CNTNAP2: variants seen among roughly 807,000 people sequenced by gnomAD.
CNTNAP2 encodes the protein contactin-associated protein-like 2.
CNTNAP2 carries 98 observed loss-of-function variants against 155.2 expected under a neutral mutation model. That is an observed-to-expected ratio of 0.63 (90% confidence interval 0.54 to 0.75). The LOEUF (loss-of-function observed/expected upper bound fraction) is 0.75, where lower values mean the gene tolerates loss of function less well. Ranked by LOEUF, CNTNAP2 falls within the 30% of genes least tolerant of loss-of-function variation. The pLI, the probability that CNTNAP2 is intolerant of heterozygous loss-of-function variation, is 0.00. For missense variants in CNTNAP2, 1,727 were observed against 1,688.1 expected, an observed-to-expected ratio of 1.02 and a Z score of -0.40; for synonymous variants, 651 against 631.2, an observed-to-expected ratio of 1.03 and a Z score of -0.47.
rs368637494 is a variant in CNTNAP2, at chr7:146,249,174, C to T, written c.97+132201C>T. ...CAGGAACCGGCCATCTGGATGTGTA[C>T]GTGCAGGTCACAGGGGATATGATGG... On this transcript the variant is annotated intron_variant, in intron 1 of 23. Transcript: ENST00000361727. Among the ~76,000 whole-genome samples the T allele has an allele frequency of 7.4e-3, 1,121 of 152,156 alleles. 16 individuals are homozygous for T. The highest frequency in any genetic ancestry group is 0.025 in the African/African-American group (1,025 of 41,496).
At chr7:146,771,530 C>T (rs1279060613) in intron 1 of CNTNAP2, among the ~76,000 whole-genome samples, 5 of 152,116 alleles carry the variant, frequency 3.3e-5, no homozygotes, top group Non-Finnish European at 7.4e-5. Flanking sequence ...TAGATGATAG[C>T]TTTGTGAATT....
In CNTNAP2 at chr7:146,706,930, A is replaced by T. The variant is rs1034822912; in HGVS notation, c.98-67341A>T. Among the ~76,000 whole-genome samples the T allele has an allele frequency of 1.2e-3, 184 of 152,104 alleles. 1 individual carries two copies. The highest frequency in any genetic ancestry group is 1.3e-3 in the Non-Finnish European group (88 of 68,000). On this transcript the variant is annotated intron_variant, in intron 1 of 23. Transcript: ENST00000361727. ...GAACTTAAAAGTTAAAAAAAAAAAA[A>T]AAAAGATTCAAAGGCACTGGACTCT...
chr7:148,375,696 G>A (rs1487657814), intron 21 of CNTNAP2, among the ~76,000 whole-genome samples: 26 of 150,088 alleles, frequency 1.7e-4, no homozygotes, highest in Non-Finnish European at 3.1e-4. Flanking sequence ...GCAATCATAA[G>A]TTTTTTGTTT....
At chr7:147,749,035 G>A (rs1053449501) in intron 13 of CNTNAP2, among the ~76,000 whole-genome samples, 2 of 152,160 alleles carry the variant, frequency 1.3e-5, no homozygotes, top group Non-Finnish European at 2.9e-5. Flanking sequence ...GGACAAAGAT[G>A]AAATATGAAG....
intron 10 of CNTNAP2, among the ~76,000 whole-genome samples, chr7:147,447,720 T>C (rs1797763611): frequency 6.6e-6 from 1 of 152,156 alleles, no homozygotes; most frequent in Admixed American, 6.5e-5. Flanking sequence ...GCACCCAGCC[T>C]ATTTGGGGTA....
Position 146,330,314 on chromosome 7 carries a change from G to A in CNTNAP2, c.97+213341G>A, listed in dbSNP as rs142962218. Among the ~76,000 whole-genome samples the A allele has an allele frequency of 2.8e-4, 42 of 152,148 alleles. 1 individual carries two copies. In the East Asian group the frequency reaches 7.2e-3, roughly 26 times the overall value. ...TGGGATTACAGGCGTGAGCCACTGCGCCCGGCTCGACAAGTACTTTCTTAT... is the reference window on the plus strand; with the variant it reads ...TGGGATTACAGGCGTGAGCCACTGCACCCGGCTCGACAAGTACTTTCTTAT... On this transcript the variant is annotated intron_variant, in intron 1 of 23. Transcript: ENST00000361727.
intron 8 of CNTNAP2, among the ~76,000 whole-genome samples, chr7:147,237,923 G>C (rs1803847847): frequency 6.6e-6 from 1 of 152,196 alleles, no homozygotes; most frequent in Non-Finnish European, 1.5e-5. Context: ...TTAATATAAA[G>C]TCTAGAAATT....
In CNTNAP2 at chr7:146,551,663, C is replaced by T. The variant is rs145454960; in HGVS notation, c.98-222608C>T. ...AAAAAATGAATGAAAGAAACCCATG[C>T]CTTATCTCTTGTTATATAAGTAGTG... On this transcript the variant is annotated intron_variant, in intron 1 of 23. Transcript: ENST00000361727. 5.5e-4 allele frequency among the ~76,000 whole-genome samples: 83 copies of T among 152,088 alleles called. No individual in the cohort carries two copies. The East Asian group carries it at 7.6e-3, about 14-fold the overall frequency.
At chr7:147,800,615 A>T (rs1797968987) in intron 13 of CNTNAP2, among the ~76,000 whole-genome samples, 2 of 152,158 alleles carry the variant, frequency 1.3e-5, no homozygotes, top group African/African-American at 4.8e-5. Flanking sequence ...TCTATAGCAT[A>T]TGGAGGAGAC....
intron 3 of CNTNAP2, among the ~76,000 whole-genome samples, chr7:146,935,004 C>A (rs1350812411): frequency 6.6e-6 from 1 of 152,154 alleles, no homozygotes; most frequent in Non-Finnish European, 1.5e-5. Context: ...GATGATGAAA[C>A]CTTTAAGAAA....
intron 1 of CNTNAP2, among the ~76,000 whole-genome samples, chr7:146,401,936 GA>G (rs1795720392): frequency 6.6e-6 from 1 of 152,026 alleles, no homozygotes; most frequent in Admixed American, 6.6e-5. Context: ...TGGTATTTAA[GA>G]AATATATTTC....
At chr7:146,396,621 T>A (rs1214214634) in intron 1 of CNTNAP2, among the ~76,000 whole-genome samples, 1 of 151,816 alleles carries the variant, frequency 6.6e-6, no homozygotes, top group East Asian at 1.9e-4. Flanking sequence ...GAATTAAAAG[T>A]CGCATTATTA....
At chr7:146,133,793 A>C (rs1036404895) in intron 1 of CNTNAP2, among the ~76,000 whole-genome samples, 2 of 152,194 alleles carry the variant, frequency 1.3e-5, no homozygotes, top group Non-Finnish European at 2.9e-5. Flanking sequence ...TGGTACCAGT[A>C]CCATGCTGTT....
chr7:146,521,374 A>C lies in CNTNAP2; in HGVS notation c.98-252897A>C, dbSNP rs1797614388. 2.6e-5 allele frequency among the ~76,000 whole-genome samples: 4 copies of C among 151,992 alleles called. No individual in the cohort carries two copies. The South Asian group carries it at 8.3e-4, about 31-fold the overall frequency. ...TTTGCTGACCATGGTTTATAGCATA[A>C]TCTTTGAGTATAGCATACAAAATAT... On this transcript the variant is annotated intron_variant, in intron 1 of 23. Transcript: ENST00000361727.
At chr7:148,243,548 A>T (rs764598503) in intron 20 of CNTNAP2, among the ~76,000 whole-genome samples, 1 of 152,166 alleles carries the variant, frequency 6.6e-6, no homozygotes, top group Non-Finnish European at 1.5e-5. Flanking sequence ...GTCACATCTT[A>T]CGTGGATGGA....
chr7:146,128,421 C>A (rs1476352107), intron 1 of CNTNAP2, among the ~76,000 whole-genome samples: 1 of 152,118 alleles, frequency 6.6e-6, no homozygotes, highest in African/African-American at 2.4e-5. Context: ...GATTTACACT[C>A]CCATAAATTC....
chr7:147,228,888 T>C lies in CNTNAP2; in HGVS notation c.1349-71253T>C, dbSNP rs186650779. Among the ~76,000 whole-genome samples the C allele has an allele frequency of 6.7e-5, 10 of 149,802 alleles. No individual in the cohort carries two copies. In the East Asian group the frequency reaches 2.0e-3, roughly 30 times the overall value. Reference sequence around the variant, plus strand: ...GTTCTCATTGTTCAACTCCCACTTATGAGTGAAAACATGCAGTGTTTGGGT... The same window carrying C: ...GTTCTCATTGTTCAACTCCCACTTACGAGTGAAAACATGCAGTGTTTGGGT... On this transcript the variant is annotated intron_variant, in intron 8 of 23. Transcript: ENST00000361727.
chr7:146,396,067 T>G (rs781373703), intron 1 of CNTNAP2, among the ~76,000 whole-genome samples: 3 of 152,102 alleles, frequency 2.0e-5, no homozygotes, highest in Non-Finnish European at 4.4e-5. Context: ...TTATCATACT[T>G]TTTCCCCTTC....
At chr7:146,232,716 AACTT>A (rs1220335393) in intron 1 of CNTNAP2, among the ~76,000 whole-genome samples, 4 of 152,102 alleles carry the variant, frequency 2.6e-5, no homozygotes, top group Admixed American at 6.6e-5. Flanking sequence ...TTCATTCAAA[AACTT>A]ACTTACTCTG....
Sources: gnomAD v4.1 joint callset for allele counts (sites outside exome capture counted in the v4.1 genomes callset) on GRCh38, gnomAD v4.1.1 for gene constraint, MANE v1.5 for transcripts, NCBI Gene and HGNC (gene_info 2026-07-23, HGNC 2026-07-21) for gene names.